The following PCM1 variants were observed in gnomAD, a reference collection of about 807,000 sequenced individuals.
PCM1 encodes pericentriolar material 1.
In PCM1, 157 loss-of-function variants were observed where a neutral mutation model predicts 241.9. The ratio of observed to expected loss-of-function variants is 0.65; its 90% CI spans 0.57 to 0.74. The LOEUF (loss-of-function observed/expected upper bound fraction) is 0.74. Among genes scored for constraint, PCM1 ranks in the 30% least tolerant of loss-of-function variants. The pLI is 0.00. For synonymous variants in PCM1, 1,085 were observed against 784.9 expected, an observed-to-expected ratio of 1.38 and a Z score of -6.39; for missense variants, 3,478 against 2,360.1, an observed-to-expected ratio of 1.47 and a Z score of -9.81.
In PCM1 at chr8:17,935,654, A is replaced by C. The variant is rs567306227; in HGVS notation, c.44A>C (p.Gln15Pro). The C allele has an allele frequency of 2.3e-5, 36 of 1,568,950 alleles. No homozygotes were observed. Among genetic ancestry groups the C allele is most frequent in the Non-Finnish European group, 3.0e-5 (34 of 1,139,316 alleles). The stretch of plus-strand genomic sequence containing the variant: ...CCCTTTGAAGATGGCATGAATGATC[A>C]GGATTTACCAAACTGGAGTAATGAG... Reference protein sequence around the residue: ...GGPFEDGMNDQDLPNWSNENV... With the variant: ...GGPFEDGMNDPDLPNWSNENV... Residue 15 changes from glutamine to proline, a missense_variant, in exon 3 of 39, where the codon CAG (glutamine) becomes CCG (proline). Gln to Pro is a moderately conservative substitution (Grantham distance 76, BLOSUM62 -1). Coordinates refer to ENST00000325083, the MANE Select transcript of PCM1 (RefSeq NM_006197.4).
At chr8:17,965,971 T>G in intron 18 of PCM1, 28 bp from the exon 19 acceptor site, 2 of 1,535,824 alleles carry the variant, frequency 1.3e-6, no homozygotes, top group Non-Finnish European at 1.8e-6. Flanking sequence ...TTATGTATGA[T>G]GACTTAATGC....
intron 2 of PCM1, chr8:17,927,043 C>G (rs1257821051): frequency 6.6e-6 from 1 of 151,146 alleles, no homozygotes; most frequent in East Asian, 1.9e-4. Context: ...ACAGGCATAT[C>G]TTGGATATTT....
intron 6 of PCM1, among the ~76,000 whole-genome samples, chr8:17,946,799 T>C (rs535315919): frequency 1.3e-5 from 2 of 151,970 alleles, no homozygotes; most frequent in South Asian, 4.2e-4. Context: ...CCCAGTATAA[T>C]GTGCTCCTTT....
rs1222688969 is a variant in PCM1, at chr8:17,935,581, T to G, written c.-22-8T>G. 3.8e-5 allele frequency: 37 copies of G among 962,208 alleles called. No individual in the cohort carries two copies. The Admixed American group carries it at 6.6e-4, about 17-fold the overall frequency. 59.6% of individuals were successfully genotyped at this position (962,208 alleles called of 1,614,324 possible). ...GTTATAAAGCTCAGTTCTTAACTTG[T>G]TTCGCAGAGAGTTAATTGTTAAATC... On this transcript the variant is annotated splice_region_variant and splice_polypyrimidine_tract_variant and intron_variant, in intron 2 of 38. Transcript: ENST00000325083.
chr8:18,009,671 ATAG>A lies in PCM1; in HGVS notation c.5090_5092del (p.Ser1697del), dbSNP rs770006749. The stretch of plus-strand genomic sequence containing the variant: ...AAGCTTATGCAAGATTTGGATAATA[ATAG>A]TATAACTGTTAAACAGAGATGCAAA... On this transcript the variant is annotated inframe_deletion, in exon 31 of 39. Coordinates refer to ENST00000325083, the MANE Select transcript of PCM1 (RefSeq NM_006197.4). The A allele has an allele frequency of 6.3e-7, 1 of 1,576,646 alleles. No homozygotes were observed. The highest frequency in any genetic ancestry group is 1.2e-5 in the South Asian group (1 of 83,340).
chr8:18,023,706 A>C (rs1385088246), intron 36 of PCM1, among the ~76,000 whole-genome samples: 1 of 152,168 alleles, frequency 6.6e-6, no homozygotes, highest in Non-Finnish European at 1.5e-5. Context: ...GCTTAGAGGG[A>C]TCTTTAAGTT....
rs573593617 is a variant in PCM1, at chr8:18,005,143, G to GA, written c.4828-1119dup. ...TCCAGTATGCTCCTACAGCTCCTTA[G>GA]AGCACCTAGTGGGTGCTTTTTAAAA... is the stretch of plus-strand genomic sequence containing the variant. On this transcript the variant is annotated intron_variant, in intron 29 of 38. Transcript: ENST00000325083. Among the ~76,000 whole-genome samples the GA allele has an allele frequency of 1.2e-4, 19 of 152,180 alleles. No homozygotes were observed. In the East Asian group the frequency reaches 3.7e-3, roughly 29 times the overall value.
chr8:17,952,224 A>AAAATAAATAAATAAATAAATAAAT lies in PCM1; in HGVS notation c.1072-738_1072-715dup, dbSNP rs148620624. ...GGCCACAGAGTGAGACTTTGTCTCA[A>AAAATAAATAAATAAATAAATAAAT]AAATAAATAAATAAATAAATAAATA... On this transcript the variant is annotated intron_variant, in intron 8 of 38. Transcript: ENST00000325083. Among the ~76,000 whole-genome samples, 213 of 147,080 alleles carry AAAATAAATAAATAAATAAATAAAT rather than the reference A, an allele frequency of 1.4e-3. 1 individual carries two copies. The highest frequency in any genetic ancestry group is 5.2e-3 in the African/African-American group (203 of 39,390).
At chr8:18,010,496 C>A in intron 31 of PCM1, 113 bp from the exon 32 acceptor site, 2 of 688,914 alleles carry the variant, frequency 2.9e-6, no homozygotes, top group Non-Finnish European at 2.4e-6. Flanking sequence ...GAAAGTAATA[C>A]AGGCCAGGCT....
At chr8:17,964,520 T>G in intron 17 of PCM1, 48 bp from the exon 18 acceptor site, 1 of 1,449,094 alleles carries the variant, frequency 6.9e-7, no homozygotes, top group Non-Finnish European at 9.5e-7. Context: ...GGCAGAGTAT[T>G]TAACTTATCT....
intron 24 of PCM1, chr8:17,983,276 C>T (rs2081541570): frequency 2.3e-6 from 3 of 1,324,116 alleles, no homozygotes; most frequent in Non-Finnish European, 3.0e-6. Context: ...GAAATGCATG[C>T]AATGAAGCGC....
rs4440668 is a variant in PCM1 at position 17,957,668 on chromosome 8, C to T, written c.1933C>T (p.Leu645=). ...GASLSSHRSS[L]VDEHPEDAEF... is the part of the protein sequence containing the mutation. ...TTCATTATCTAGTCACAGGAGCAGT[C>T]TGGTTGATGAGCATCCAGAAGATGC... The change falls in exon 13 of 39, where the codon CTG becomes TTG. Residue 645 remains leucine (L), a synonymous_variant. Transcript: ENST00000325083. 2 of 1,607,844 alleles carry T rather than the reference C, an allele frequency of 1.2e-6. No individual in the cohort carries two copies. Among genetic ancestry groups the T allele is most frequent in the Admixed American group, 1.7e-5 (1 of 58,910 alleles).
chr8:18,025,044 C>G lies in PCM1; in HGVS notation c.5842-317C>G, dbSNP rs1234601173. 16 of 223,800 alleles carry G rather than the reference C, an allele frequency of 7.1e-5. No individual in the cohort carries two copies. In the Admixed American group the frequency reaches 9.0e-4, roughly 13 times the overall value. The allele number at this position is 223,800 out of a possible 1,614,324, so 13.9% of individuals were successfully genotyped here. A position where few individuals can be genotyped will look rare whatever the true frequency, so the allele number is the denominator to read the frequency against. On this transcript the variant is annotated intron_variant, in intron 36 of 38. Coordinates refer to ENST00000325083, the MANE Select transcript of PCM1 (RefSeq NM_006197.4). ...TTCTGCTGGGTACAGCTCTCGTGTTCAGTAAACATATGAAAAAACAAGAGT... is the reference window on the plus strand; with the variant it reads ...TTCTGCTGGGTACAGCTCTCGTGTTGAGTAAACATATGAAAAAACAAGAGT...
intron 27 of PCM1, among the ~76,000 whole-genome samples, chr8:17,991,044 G>A (rs73573614): frequency 0.02 from 2,918 of 145,138 alleles, 101 homozygotes; most frequent in African/African-American, 0.071. Context: ...TCATTTACTG[G>A]TATTTTTTTT....
At chr8:17,934,163 G>A (rs1398608566) in intron 2 of PCM1, among the ~76,000 whole-genome samples, 3 of 152,024 alleles carry the variant, frequency 2.0e-5, no homozygotes, top group Non-Finnish European at 4.4e-5. Context: ...TTTCAGAGTT[G>A]ATAATCCTTT....
intron 11 of PCM1, 90 bp downstream of exon 11, chr8:17,956,867 TACTA>T: frequency 9.7e-6 from 10 of 1,028,352 alleles, no homozygotes; most frequent in Non-Finnish European, 1.4e-5. Context: ...TTGTAGTATT[TACTA>T]TTTGCCTTTT....
At chr8:18,004,678 A>G (rs1177907124) in intron 29 of PCM1, among the ~76,000 whole-genome samples, 2 of 152,200 alleles carry the variant, frequency 1.3e-5, no homozygotes, top group Non-Finnish European at 2.9e-5. Flanking sequence ...ATGCCCAGGC[A>G]GCATTACACC....
intron 2 of PCM1, among the ~76,000 whole-genome samples, chr8:17,930,257 C>A (rs1008707474): frequency 2.6e-5 from 4 of 151,852 alleles, no homozygotes; most frequent in Non-Finnish European, 4.4e-5. Flanking sequence ...CCCGCCACCA[C>A]GCCTGGCTAA....
intron 8 of PCM1, among the ~76,000 whole-genome samples, chr8:17,952,231 AT>A (rs946112324): frequency 6.6e-5 from 10 of 151,268 alleles, no homozygotes; most frequent in Non-Finnish European, 1.5e-4. Context: ...TCAAAAATAA[AT>A]AAATAAATAA....
Sources: allele counts gnomAD v4.1 joint callset (sites outside exome capture counted in the v4.1 genomes callset), GRCh38; gene constraint gnomAD v4.1.1; transcripts MANE v1.5; gene names NCBI Gene and HGNC (gene_info 2026-07-23, HGNC 2026-07-21).